The following ATP11A variants were observed in gnomAD, a reference collection of about 807,000 sequenced individuals.
ATP11A encodes the protein phospholipid-transporting ATPase IH.
Under a neutral mutation model 154.4 loss-of-function variants are expected in ATP11A, and 81 were observed. The ratio of observed to expected loss-of-function variants is 0.52; its 90% confidence interval spans 0.44 to 0.63. ATP11A has a LOEUF of 0.63. Ranked by LOEUF, ATP11A falls within the 30% of genes least tolerant of loss-of-function variation. The pLI is 0.00. For synonymous variants in ATP11A, 623 were observed against 585.9 expected (o/e 1.06, Z -0.91); for missense variants, 1,316 against 1,474.3 (o/e 0.89, Z 1.76).
At chr13:112,705,977 C>G (rs571219789) in intron 1 of ATP11A, among the ~76,000 whole-genome samples, 1 of 152,126 alleles carries the variant, frequency 6.6e-6, no homozygotes, top group Non-Finnish European at 1.5e-5. Flanking sequence ...CGATCATCAC[C>G]GCCAGGTACT....
At chr13:112,791,340 A>G (rs1435376915) in intron 2 of ATP11A, among the ~76,000 whole-genome samples, 4 of 152,178 alleles carry the variant, frequency 2.6e-5, no homozygotes, top group Non-Finnish European at 5.9e-5. Flanking sequence ...TGAAGGCATC[A>G]CCCAGCCTGC....
At chr13:112,810,342 T>A (rs1175648434) in intron 4 of ATP11A, among the ~76,000 whole-genome samples, 1 of 152,254 alleles carries the variant, frequency 6.6e-6, no homozygotes, top group Non-Finnish European at 1.5e-5. Context: ...AAAAGTACAG[T>A]TGTATAGTAC....
chr13:112,872,323 C>T (rs1363273387), intron 26 of ATP11A, among the ~76,000 whole-genome samples: 2 of 152,210 alleles, frequency 1.3e-5, no homozygotes, highest in African/African-American at 2.4e-5. Context: ...TCTAAAGTAA[C>T]TTTCTGGCCA....
chr13:112,770,868 T>G (rs2077209686), intron 1 of ATP11A, among the ~76,000 whole-genome samples: 1 of 152,218 alleles, frequency 6.6e-6, no homozygotes, highest in Non-Finnish European at 1.5e-5. Flanking sequence ...ACGTTGCTGT[T>G]TGAAGCTATA....
chr13:112,714,730 G>A (rs979270752), intron 1 of ATP11A, among the ~76,000 whole-genome samples: 2 of 152,206 alleles, frequency 1.3e-5, no homozygotes, highest in African/African-American at 2.4e-5. Context: ...TTGCCACCTC[G>A]GCTTCTGGCA....
chr13:112,882,844 C>T lies in ATP11A; in HGVS notation c.*978C>T, dbSNP rs1448055903. The T allele has an allele frequency of 2.0e-5, 8 of 398,932 alleles. No individual in the cohort carries two copies. The highest frequency in any genetic ancestry group is 4.4e-5 in the Admixed American group (1 of 22,728). 24.7% of individuals were successfully genotyped at this position (398,932 alleles called of 1,614,324 possible). A position where few individuals can be genotyped will look rare whatever the true frequency, so the allele number is the denominator to read the frequency against. On this transcript the variant is annotated 3_prime_UTR_variant, in exon 30 of 30. Transcript: ENST00000375645. The surrounding 1 kb of genome is among the most constrained non-coding windows in gnomAD (Gnocchi z 5.1). ...TGTGATGAGCAGACATCCTCTGTCC[C>T]CGTGGAGGGGTCAACACCAAGGTGG...
intron 1 of ATP11A, among the ~76,000 whole-genome samples, chr13:112,776,524 C>T (rs919782982): frequency 6.6e-6 from 1 of 152,192 alleles, no homozygotes. Context: ...ACGCTGTGCT[C>T]CGGCCTGCCT....
intron 1 of ATP11A, among the ~76,000 whole-genome samples, chr13:112,772,166 A>G (rs2077241104): frequency 6.6e-6 from 1 of 152,206 alleles, no homozygotes; most frequent in Admixed American, 6.5e-5. Flanking sequence ...TGAAATGTAA[A>G]ACAAAGTCTT....
In ATP11A at chr13:112,844,559, T is replaced by A. The variant is rs1023330672; in HGVS notation, c.1809+2180T>A. On this transcript the variant is annotated intron_variant, in intron 17 of 29. Coordinates refer to ENST00000375645, the MANE Select transcript of ATP11A (RefSeq NM_015205.3). ...TCACTGCAGATTCGTGCCCACCTTC[T>A]GGAGCTTCCTATCAGCAGAATCACA... Among the ~76,000 whole-genome samples the A allele has an allele frequency of 2.6e-5, 4 of 152,204 alleles. 1 individual carries two copies. Among genetic ancestry groups the A allele is most frequent in the African/African-American group, 9.6e-5 (4 of 41,454 alleles).
intron 2 of ATP11A, among the ~76,000 whole-genome samples, chr13:112,794,963 G>C (rs1351635183): frequency 6.6e-6 from 1 of 152,222 alleles, no homozygotes; most frequent in South Asian, 2.1e-4. Flanking sequence ...GCAAGGCCCT[G>C]CCAGGTGCGG....
At position 112,858,304 on chromosome 13, in the gene ATP11A, C is replaced by A; in HGVS notation, c.2667+14C>A. Reference sequence around the variant, plus strand: ...TTCTTCTATAAGGTAGGAGGGTCGCCGCTCCCCCTCACGGTGTTAGCAACA... The same window carrying A: ...TTCTTCTATAAGGTAGGAGGGTCGCAGCTCCCCCTCACGGTGTTAGCAACA... On this transcript the variant is annotated intron_variant, in intron 22 of 29. Coordinates refer to ENST00000375645, the MANE Select transcript of ATP11A (RefSeq NM_015205.3). 6.2e-7 allele frequency: 1 copy of A among 1,603,706 alleles called. No homozygotes were observed.
intron 16 of ATP11A, among the ~76,000 whole-genome samples, chr13:112,841,232 G>A (rs952534119): frequency 4.7e-5 from 7 of 147,536 alleles, no homozygotes; most frequent in African/African-American, 1.3e-4. Context: ...CGCGGACCAC[G>A]GATGCTTCAG....
chr13:112,765,982 A>G (rs926620716), intron 1 of ATP11A, among the ~76,000 whole-genome samples: 2 of 152,226 alleles, frequency 1.3e-5, no homozygotes, highest in African/African-American at 4.8e-5. Flanking sequence ...GACCATGGGC[A>G]GTTTTAGTTC....
At chr13:112,774,533 A>G (rs1417129873) in intron 1 of ATP11A, among the ~76,000 whole-genome samples, 3 of 152,276 alleles carry the variant, frequency 2.0e-5, no homozygotes, top group South Asian at 2.1e-4. Context: ...ACAAATTGCA[A>G]ATGTGCGATG....
At chr13:112,865,650 C>T (rs369511195) in intron 25 of ATP11A, among the ~76,000 whole-genome samples, 3 of 152,168 alleles carry the variant, frequency 2.0e-5, no homozygotes, top group Non-Finnish European at 2.9e-5. Context: ...CCTGGGTTCA[C>T]GCCATTCTCC....
intron 16 of ATP11A, among the ~76,000 whole-genome samples, chr13:112,840,546 C>T (rs1401006473): frequency 1.4e-5 from 2 of 145,158 alleles, no homozygotes; most frequent in East Asian, 4.2e-4. Flanking sequence ...CCTCCCTACT[C>T]TCCTGTCCCC....
At chr13:112,840,505 TCC>T (rs2079379734) in intron 16 of ATP11A, among the ~76,000 whole-genome samples, 3 of 59,798 alleles carry the variant, frequency 5.0e-5, no homozygotes, top group African/African-American at 2.1e-4. Flanking sequence ...AGCCTCAGCC[TCC>T]CCACTTTCTC....
chr13:112,763,963 C>T (rs1465624456), intron 1 of ATP11A, among the ~76,000 whole-genome samples: 4 of 152,232 alleles, frequency 2.6e-5, no homozygotes, highest in Non-Finnish European at 5.9e-5. Flanking sequence ...GGCCATGTCA[C>T]AGGCCATGGT....
chr13:112,807,345 C>T lies in ATP11A; in HGVS notation c.333+1052C>T, dbSNP rs1203033262. ...AGAGCCGGCCGTGCCTACCGGGATA[C>T]GTGAACTAGGATATTCATGGTGGCT... is the stretch of plus-strand genomic sequence containing the variant. On this transcript the variant is annotated intron_variant, in intron 4 of 29. Coordinates refer to ENST00000375645, the MANE Select transcript of ATP11A (RefSeq NM_015205.3). The surrounding 1 kb of genome is among the most constrained non-coding windows in gnomAD (Gnocchi z 4.5). Among the ~76,000 whole-genome samples, 2 of 152,200 alleles carry T rather than the reference C, an allele frequency of 1.3e-5. No homozygotes were observed. The highest frequency in any genetic ancestry group is 1.3e-4 in the Admixed American group (2 of 15,284).
Sources: allele counts gnomAD v4.1 joint callset (sites outside exome capture counted in the v4.1 genomes callset), GRCh38; gene constraint gnomAD v4.1.1; non-coding constraint Gnocchi (gnomAD v3.1); transcripts MANE v1.5; gene names NCBI Gene and HGNC (gene_info 2026-07-23, HGNC 2026-07-21).